Variants in NUP133 observed in about 807,000 individuals in gnomAD.
NUP133 encodes nuclear pore complex protein Nup133.
A neutral mutation model predicts 146.2 loss-of-function variants in NUP133; 66 were observed. That is an observed-to-expected ratio of 0.45 (90% CI 0.37 to 0.55). The LOEUF (loss-of-function observed/expected upper bound fraction) is 0.55, where lower values mean the gene tolerates loss of function less well. Ranked by LOEUF, NUP133 falls within the 20% of genes least tolerant of loss-of-function variation. The probability of loss-of-function intolerance (pLI) is 0.00; values close to 1 mark genes in which losing one functional copy is unlikely to be tolerated. For missense variants in NUP133, 1,277 were observed against 1,374.8 expected (o/e 0.93, Z 1.12); for synonymous variants, 521 against 498.8 (o/e 1.04, Z -0.59).
chr1:229,448,511 C>T (rs563762320), intron 24 of NUP133, among the ~76,000 whole-genome samples: 1 of 152,172 alleles, frequency 6.6e-6, no homozygotes, highest in East Asian at 1.9e-4. Flanking sequence ...CAGAAAAACT[C>T]ATGAATAATG....
intron 14 of NUP133, among the ~76,000 whole-genome samples, chr1:229,472,378 G>T (rs1185255610): frequency 2.7e-5 from 4 of 150,238 alleles, no homozygotes; most frequent in South Asian, 2.1e-4. Flanking sequence ...CCAATTGCCT[G>T]CTTTACTTTG....
intron 2 of NUP133, among the ~76,000 whole-genome samples, chr1:229,502,423 G>A (rs1309693115): frequency 6.6e-6 from 1 of 151,700 alleles, no homozygotes; most frequent in Non-Finnish European, 1.5e-5. Context: ...GCTGAGTGTG[G>A]TGGCACGTGC....
intron 14 of NUP133, among the ~76,000 whole-genome samples, chr1:229,472,454 T>C (rs1660979320): frequency 6.6e-6 from 1 of 151,870 alleles, no homozygotes; most frequent in South Asian, 2.1e-4. Flanking sequence ...CCAGGCACAG[T>C]GGCTCACACC....
At chr1:229,455,190 C>T (rs1660534352) in intron 21 of NUP133, among the ~76,000 whole-genome samples, 1 of 152,230 alleles carries the variant, frequency 6.6e-6, no homozygotes, top group South Asian at 2.1e-4. Context: ...GGATAAGCCA[C>T]ATAACCAGAT....
At chr1:229,486,286 C>T in intron 11 of NUP133, 85 bp downstream of exon 11, 2 of 1,241,860 alleles carry the variant, frequency 1.6e-6, no homozygotes, top group Non-Finnish European at 2.2e-6. Context: ...TGTGCCACTG[C>T]ACTCTAGCCT....
At chr1:229,476,266 C>T (rs569893061) in intron 13 of NUP133, among the ~76,000 whole-genome samples, 1 of 152,220 alleles carries the variant, frequency 6.6e-6, no homozygotes, top group South Asian at 2.1e-4. Context: ...ATGCAAAATA[C>T]GTTTTTAGTT....
intron 2 of NUP133, among the ~76,000 whole-genome samples, chr1:229,504,778 C>T (rs1471123474): frequency 6.6e-6 from 1 of 152,152 alleles, no homozygotes; most frequent in African/African-American, 2.4e-5. Flanking sequence ...TGTGGTCAAT[C>T]GTAGTCTGAA....
Position 229,449,175 on chromosome 1 carries a change from T to C in NUP133, c.3196A>G (p.Ile1066Val). The change falls in exon 24 of 26, where the codon ATA becomes GTA. Residue 1066 changes from isoleucine (I) to valine (V), a missense_variant. Coordinates refer to ENST00000261396, the MANE Select transcript of NUP133 (RefSeq NM_018230.3). ...AGGATTTCCAGTTTTAGATCATTTATATTTATATCTTCTTCCTTCACAGCA... is the reference window on the plus strand; with the variant it reads ...AGGATTTCCAGTTTTAGATCATTTACATTTATATCTTCTTCCTTCACAGCA... ...EYIDEEEDIN[I>V]NDLKLEILCK... The C allele has an allele frequency of 1.2e-6, 2 of 1,608,846 alleles. No individual in the cohort carries two copies. Among genetic ancestry groups the C allele is most frequent in the South Asian group, 2.2e-5 (2 of 90,584 alleles).
rs931635127 is a variant in NUP133 at position 229,452,663 on chromosome 1, G to C, written c.2981-20C>G. 5 of 1,546,140 alleles carry C rather than the reference G, an allele frequency of 3.2e-6. No homozygotes were observed. The African/African-American group carries it at 5.5e-5, about 17-fold the overall frequency. Reference sequence around the variant, plus strand: ...CCATTTCTAGTATTCAAGATGAGAGGGAGGGAAAGAGAATATGATGAAATT... The same window carrying C: ...CCATTTCTAGTATTCAAGATGAGAGCGAGGGAAAGAGAATATGATGAAATT... On this transcript the variant is annotated intron_variant, in intron 21 of 25. Transcript: ENST00000261396.
At chr1:229,507,992 A>T in intron 1 of NUP133, 76 bp downstream of exon 1, 1 of 1,355,800 alleles carries the variant, frequency 7.4e-7, no homozygotes, top group Non-Finnish European at 9.6e-7. Context: ...AAAGGCTTCT[A>T]AAGACAACAA....
At chr1:229,456,531 T>C (rs1558091108) in intron 21 of NUP133, among the ~76,000 whole-genome samples, 1 of 152,150 alleles carries the variant, frequency 6.6e-6, no homozygotes, top group Non-Finnish European at 1.5e-5. Context: ...GGCTCTTGTA[T>C]TATTTTAGTA....
chr1:229,492,173 C>T (rs1324191366), intron 8 of NUP133, among the ~76,000 whole-genome samples: 4 of 150,240 alleles, frequency 2.7e-5, no homozygotes, highest in African/African-American at 9.8e-5. Context: ...GGGGCGTGAT[C>T]TCGGCTCACT....
chr1:229,492,107 ATTTTTTT>A (rs200318942), intron 8 of NUP133, among the ~76,000 whole-genome samples: 1 of 140,328 alleles, frequency 7.1e-6, no homozygotes, highest in African/African-American at 2.6e-5. Flanking sequence ...TACTAGCAAC[ATTTTTTT>A]TTTTTTTTTG....
intron 12 of NUP133, among the ~76,000 whole-genome samples, chr1:229,482,312 C>G (rs1661234461): frequency 6.6e-6 from 1 of 151,862 alleles, no homozygotes; most frequent in South Asian, 2.1e-4. Context: ...ACCATGGGCT[C>G]AGAACTGGGG....
chr1:229,449,243 A>T, intron 23 of NUP133, 53 bp from the exon 24 acceptor site: 1 of 1,167,084 alleles, frequency 8.6e-7, no homozygotes. Context: ...TGAAAGAAAT[A>T]CATGCCTAAA....
At chr1:229,470,849 A>G in intron 14 of NUP133, 45 bp from the exon 15 acceptor site, 2 of 1,553,128 alleles carry the variant, frequency 1.3e-6, no homozygotes, top group Non-Finnish European at 1.8e-6. Context: ...AATTATGGTA[A>G]CATGCAAAAT....
intron 8 of NUP133, among the ~76,000 whole-genome samples, chr1:229,494,874 C>T (rs1661614599): frequency 6.6e-6 from 1 of 152,168 alleles, no homozygotes; most frequent in Non-Finnish European, 1.5e-5. Flanking sequence ...GCAGCCACAG[C>T]AGTGGGCAAT....
chr1:229,453,778 A>G (rs559691060), intron 21 of NUP133, among the ~76,000 whole-genome samples: 4 of 152,318 alleles, frequency 2.6e-5, no homozygotes, highest in African/African-American at 9.6e-5. Flanking sequence ...ATTTGCCTCC[A>G]CTGTGAATGG....
intron 5 of NUP133, chr1:229,499,033 G>C (rs1661730501): frequency 2.7e-6 from 1 of 364,632 alleles, no homozygotes; most frequent in Non-Finnish European, 5.5e-6. Flanking sequence ...TGAGCAGCTG[G>C]GACTACAGGC....
Sources: allele counts gnomAD v4.1 joint callset (sites outside exome capture counted in the v4.1 genomes callset), GRCh38; gene constraint gnomAD v4.1.1; transcripts MANE v1.5; gene names NCBI Gene and HGNC (gene_info 2026-07-23, HGNC 2026-07-21).